Variants in CLN6 observed in about 807,000 individuals in gnomAD.
CLN6 encodes the protein ceroid-lipofuscinosis neuronal protein 6.
CLN6 carries 22 observed loss-of-function variants against 33.3 expected under a neutral mutation model. That is an observed-to-expected ratio of 0.66 (90% confidence interval 0.47 to 0.94). CLN6 has a LOEUF of 0.94. CLN6 is among the 40% of genes least tolerant of loss of function. The pLI is 0.00. For missense variants in CLN6, 387 were observed against 417.1 expected (o/e 0.93, Z 0.63); for synonymous variants, 201 against 174.6 (o/e 1.15, Z -1.19).
Position 68,229,496 on chromosome 15 carries a change from G to A in CLN6, c.83+6C>T, listed in dbSNP as rs1416137982. The A allele has an allele frequency of 3.4e-5, 50 of 1,462,710 alleles. No homozygotes were observed. Among genetic ancestry groups the A allele is most frequent in the Non-Finnish European group, 4.3e-5 (48 of 1,111,986 alleles). 90.6% of individuals were successfully genotyped at this position (1,462,710 alleles called of 1,614,324 possible). ...AGCCCGCCCTCTCACCCCGGCGCGC[G>A]CCCACCTGGCCTGCAGGAAGGAGGC... On this transcript the variant is annotated splice_donor_region_variant and intron_variant, in intron 1 of 6. Transcript: ENST00000249806.
Position 68,211,502 on chromosome 15 carries a change from A to T in CLN6, c.486+173T>A. On this transcript the variant is annotated intron_variant, in intron 4 of 6. Transcript: ENST00000249806. The surrounding 1 kb of genome is among the most constrained non-coding windows in gnomAD (Gnocchi z 5.9). ...CCAGGTGGGAGGCAGTCTGTGCACC[A>T]CTTCCTAAGAACACTTGAGCATCCT... 1 of 1,577,826 alleles carries T rather than the reference A, an allele frequency of 6.3e-7. No individual in the cohort carries two copies. Among genetic ancestry groups the T allele is most frequent in the Non-Finnish European group, 8.6e-7 (1 of 1,164,914 alleles).
chr15:68,254,256 A>C (rs1459361292), intron 1 of CLN6, among the ~76,000 whole-genome samples: 3 of 152,178 alleles, frequency 2.0e-5, no homozygotes, highest in African/African-American at 7.2e-5. Context: ...GTGAGGAGAG[A>C]GAGCACGATA....
intron 1 of CLN6, among the ~76,000 whole-genome samples, chr15:68,244,964 G>C (rs147382616): frequency 1.4e-5 from 2 of 139,272 alleles, no homozygotes; most frequent in African/African-American, 5.4e-5. Context: ...TGAGGCAGGA[G>C]AATCACTGGG....
At chr15:68,224,618 CA>C (rs57397347) in intron 1 of CLN6, among the ~76,000 whole-genome samples, 39,380 of 103,928 alleles carry the variant, frequency 0.38, 7,616 homozygotes, top group East Asian at 0.74. Context: ...GACTCTGTCT[CA>C]AAAAAAAAAA....
chr15:68,211,414 C>T lies in CLN6; in HGVS notation c.487-96G>A, dbSNP rs529424184. Reference sequence around the variant, plus strand: ...GCATCCCCTCTGACCACCCTTCTCCCAGTCCCAGGCCTCCCCCACTGCCTT... The same window carrying T: ...GCATCCCCTCTGACCACCCTTCTCCTAGTCCCAGGCCTCCCCCACTGCCTT... On this transcript the variant is annotated intron_variant, in intron 4 of 6. Transcript: ENST00000249806. This position sits in a 1 kb window ranked among gnomAD's most constrained non-coding sequence, Gnocchi z 5.9. 6.5e-7 allele frequency: 1 copy of T among 1,538,954 alleles called. No homozygotes were observed. The highest frequency in any genetic ancestry group is 1.1e-5 in the South Asian group (1 of 89,348).
chr15:68,212,068 A>AC (rs2093207557), intron 3 of CLN6: 2 of 599,508 alleles, frequency 3.3e-6, no homozygotes, highest in East Asian at 2.8e-5. Flanking sequence ...GTGGAGCAGC[A>AC]CCCCCCGCTG....
chr15:68,229,321 A>G (rs894519104), intron 1 of CLN6, among the ~76,000 whole-genome samples, 181 bp downstream of exon 1: 2 of 152,140 alleles, frequency 1.3e-5, no homozygotes, highest in Non-Finnish European at 2.9e-5. Context: ...CAGACAGAGA[A>G]GGAAACGCGG....
At chr15:68,237,030 G>T (rs527429501) in intron 1 of CLN6, among the ~76,000 whole-genome samples, 4 of 151,318 alleles carry the variant, frequency 2.6e-5, no homozygotes, top group Non-Finnish European at 5.9e-5. Flanking sequence ...GGTGGCGGGC[G>T]CCTGTAGTCC....
At position 68,256,910 on chromosome 15, in the gene CLN6, T is replaced by G; in HGVS notation, c.-42A>C. 1.6e-6 allele frequency: 1 copy of G among 644,278 alleles called. No homozygotes were observed. The highest frequency in any genetic ancestry group is 2.6e-5 in the Admixed American group (1 of 38,596). The allele number at this position is 644,278 out of a possible 1,614,324, so 39.9% of individuals were successfully genotyped here. A position where few individuals can be genotyped will look rare whatever the true frequency, so the allele number is the denominator to read the frequency against. ...GTCCTGGGCGCGGCTCTGGGGAGGGTCAGGGTGCGCGTCCCACCGCGTCGT... is the reference window on the plus strand; with the variant it reads ...GTCCTGGGCGCGGCTCTGGGGAGGGGCAGGGTGCGCGTCCCACCGCGTCGT... On this transcript the variant is annotated 5_prime_UTR_variant, in exon 1 of 7. Coordinates refer to the CLN6 transcript ENST00000538696. The surrounding 1 kb of genome is among the most constrained non-coding windows in gnomAD (Gnocchi z 4.1).
chr15:68,212,325 C>T (rs1042596622), intron 3 of CLN6: 3 of 183,468 alleles, frequency 1.6e-5, no homozygotes, highest in Admixed American at 1.1e-4. Context: ...TTCTGAAATG[C>T]CACTGTTTAA....
chr15:68,251,204 T>C (rs1013075008), intron 1 of CLN6, among the ~76,000 whole-genome samples: 1 of 152,210 alleles, frequency 6.6e-6, no homozygotes, highest in Non-Finnish European at 1.5e-5. Context: ...AGTTATATAA[T>C]TATCTCAATA....
chr15:68,250,601 G>A (rs1370693787), intron 1 of CLN6, among the ~76,000 whole-genome samples: 1 of 149,480 alleles, frequency 6.7e-6, no homozygotes, highest in African/African-American at 2.5e-5. Context: ...CTCCAGCCTG[G>A]GCGACAGAGC....
chr15:68,235,182 G>A (rs560734935), intron 1 of CLN6, among the ~76,000 whole-genome samples: 2 of 152,164 alleles, frequency 1.3e-5, no homozygotes, highest in South Asian at 4.1e-4. Flanking sequence ...GCTTATAGAT[G>A]AGTTAACTCA....
chr15:68,223,225 T>C (rs1037678675), intron 1 of CLN6, among the ~76,000 whole-genome samples: 1 of 151,888 alleles, frequency 6.6e-6, no homozygotes, highest in African/African-American at 2.4e-5. Context: ...TGAATCTAAC[T>C]AGGCAGAAAA....
At chr15:68,218,500 T>C (rs761170183) in intron 2 of CLN6, 36 bp downstream of exon 2, 1 of 1,464,652 alleles carries the variant, frequency 6.8e-7, no homozygotes, top group South Asian at 1.1e-5. Flanking sequence ...GTGTCCTCAG[T>C]GCTGGTCAGA....
At chr15:68,252,051 G>A (rs1162848332) in intron 1 of CLN6, among the ~76,000 whole-genome samples, 1 of 135,468 alleles carries the variant, frequency 7.4e-6, no homozygotes, top group Non-Finnish European at 1.5e-5. Context: ...TCGGCTCACC[G>A]CAACCTCCGC....
rs1185098910 is a variant in CLN6 at position 68,256,843 on chromosome 15, C to T, written c.26G>A (p.Arg9Gln). The T allele has an allele frequency of 4.3e-6, 3 of 697,334 alleles. No individual in the cohort carries two copies. The highest frequency in any genetic ancestry group is 7.8e-6 in the Non-Finnish European group (3 of 382,250). 43.2% of individuals were successfully genotyped at this position (697,334 alleles called of 1,614,324 possible). A position where few individuals can be genotyped will look rare whatever the true frequency, so the allele number is the denominator to read the frequency against. ...TGGCCGGGGCCTGCCTCTCGCTCGC[C>T]GCTCCTTCCCGGCAACGGCTGCCAT... is the stretch of plus-strand genomic sequence containing the variant. Residue 9 changes from arginine to glutamine, a missense_variant, in exon 1 of 7, where the codon CGG becomes CAG. By Grantham distance (43) the Arg-to-Gln change is conservative. Transcript: ENST00000538696. The surrounding 1 kb of genome is among the most constrained non-coding windows in gnomAD (Gnocchi z 4.1).
chr15:68,208,089 C>T lies in CLN6; in HGVS notation c.*51G>A. 2 of 1,518,130 alleles carry T rather than the reference C, an allele frequency of 1.3e-6. No individual in the cohort carries two copies. The highest frequency in any genetic ancestry group is 1.8e-6 in the Non-Finnish European group (2 of 1,116,986). 94.0% of individuals were successfully genotyped at this position (1,518,130 alleles called of 1,614,324 possible). A position where few individuals can be genotyped will look rare whatever the true frequency, so the allele number is the denominator to read the frequency against. ...CCCTACTCCTGTATTCAGATGCCCTCCATGGCCCACCCTCCCACCCAGCAG... is the reference window on the plus strand; with the variant it reads ...CCCTACTCCTGTATTCAGATGCCCTTCATGGCCCACCCTCCCACCCAGCAG... On this transcript the variant is annotated 3_prime_UTR_variant, in exon 7 of 7. Coordinates refer to ENST00000249806, the MANE Select transcript of CLN6 (RefSeq NM_017882.3). The surrounding 1 kb of genome is among the most constrained non-coding windows in gnomAD (Gnocchi z 5.8).
In CLN6 at chr15:68,236,876, G is replaced by A. The variant is rs1373860960; in HGVS notation, c.180-18226C>T. 1.3e-5 allele frequency among the ~76,000 whole-genome samples: 2 copies of A among 151,828 alleles called. No individual in the cohort carries two copies. Among genetic ancestry groups the A allele is most frequent in the Non-Finnish European group, 2.9e-5 (2 of 67,958 alleles). On this transcript the variant is annotated intron_variant, in intron 1 of 6. Transcript: ENST00000538696. The surrounding 1 kb of genome is among the most constrained non-coding windows in gnomAD (Gnocchi z 4.5). The stretch of plus-strand genomic sequence containing the variant: ...GTTGACATTAAAACTGAATGGAGGC[G>A]GCCGGGCGCGGTGGCTCACGCCTGT...
Sources: allele counts gnomAD v4.1 joint callset (sites outside exome capture counted in the v4.1 genomes callset), GRCh38; gene constraint gnomAD v4.1.1; non-coding constraint Gnocchi (gnomAD v3.1); transcripts MANE v1.5; gene names NCBI Gene and HGNC (gene_info 2026-07-23, HGNC 2026-07-21).